The following STK3 variants were observed in gnomAD, a reference collection of about 807,000 sequenced individuals.
STK3 encodes serine/threonine-protein kinase 3.
A neutral mutation model predicts 58.0 loss-of-function variants in STK3; 41 were observed. The ratio of observed to expected loss-of-function variants is 0.71; its 90% CI spans 0.55 to 0.92. The LOEUF (loss-of-function observed/expected upper bound fraction) is 0.92. Among genes scored for constraint, STK3 ranks in the 40% least tolerant of loss-of-function variants. The pLI is 0.00. For synonymous variants in STK3, 170 were observed against 191.0 expected (o/e 0.89, Z 0.91); for missense variants, 479 against 602.7 (o/e 0.79, Z 2.15).
intron 6 of STK3, among the ~76,000 whole-genome samples, chr8:98,637,841 C>A (rs1352536050): frequency 2.6e-5 from 4 of 152,096 alleles, no homozygotes; most frequent in Non-Finnish European, 5.9e-5. Flanking sequence ...TGTTTGTAAT[C>A]TCAAATCAAC....
intron 3 of STK3, among the ~76,000 whole-genome samples, chr8:98,867,608 C>A (rs968651109): frequency 1.3e-5 from 2 of 151,860 alleles, no homozygotes; most frequent in African/African-American, 4.8e-5. Context: ...ACCCACTGCA[C>A]AATTTTGTCA....
chr8:98,388,721 C>A (rs140385218), upstream of STK3, among the ~76,000 whole-genome samples: 2 of 152,296 alleles, frequency 1.3e-5, no homozygotes, highest in African/African-American at 4.8e-5. Flanking sequence ...AATTTGTGAA[C>A]CTTGTTTGGA....
chr8:98,416,362 CTGTT>C (rs1405363063), intron 3 of STK3, among the ~76,000 whole-genome samples: 5 of 87,410 alleles, frequency 5.7e-5, no homozygotes, highest in Admixed American at 1.7e-4. Flanking sequence ...GTGTTTGAAA[CTGTT>C]TTTTTTTTTT....
chr8:98,626,602 C>T (rs1045986101), intron 6 of STK3, among the ~76,000 whole-genome samples: 6 of 152,042 alleles, frequency 3.9e-5, no homozygotes, highest in Admixed American at 3.9e-4. Flanking sequence ...GAGATGAGGC[C>T]ATCGGATTTG....
intron 3 of STK3, among the ~76,000 whole-genome samples, chr8:98,869,989 C>T (rs1238080822): frequency 6.6e-6 from 1 of 152,028 alleles, no homozygotes; most frequent in Non-Finnish European, 1.5e-5. Flanking sequence ...TGCTATCCCT[C>T]CCCTCTCCCC....
chr8:98,617,865 G>A (rs1028624068), intron 6 of STK3, among the ~76,000 whole-genome samples: 2 of 152,134 alleles, frequency 1.3e-5, no homozygotes, highest in Non-Finnish European at 2.9e-5. Context: ...TGGATTCACA[G>A]CCGAATTCTA....
chr8:98,697,184 C>T (rs545724005), intron 6 of STK3, among the ~76,000 whole-genome samples: 62 of 152,278 alleles, frequency 4.1e-4, no homozygotes, highest in African/African-American at 1.5e-3. Context: ...GTTTGTATTT[C>T]TGTGGGATTG....
chr8:98,468,839 G>A (rs751688309), intron 10 of STK3, among the ~76,000 whole-genome samples: 104 of 152,218 alleles, frequency 6.8e-4, no homozygotes, highest in Admixed American at 1.7e-3. Context: ...AGCCGGGCAT[G>A]GTGGCTAACG....
chr8:98,479,810 A>G (rs900879108), intron 10 of STK3, among the ~76,000 whole-genome samples: 2 of 152,214 alleles, frequency 1.3e-5, no homozygotes, highest in Non-Finnish European at 2.9e-5. Flanking sequence ...CAAGACTTTA[A>G]AGCAGCTATA....
At chr8:98,923,952 T>C (rs1839686951) in intron 1 of STK3, among the ~76,000 whole-genome samples, 1 of 151,798 alleles carries the variant, frequency 6.6e-6, no homozygotes, top group African/African-American at 2.4e-5. Flanking sequence ...TTTATTTTTT[T>C]CCCCCTGTGG....
At chr8:98,379,995 G>A (rs950760278) in intron 1 of STK3, among the ~76,000 whole-genome samples, 1 of 152,132 alleles carries the variant, frequency 6.6e-6, no homozygotes, top group Non-Finnish European at 1.5e-5. Flanking sequence ...CACAATATGG[G>A]ACAACATGGA....
chr8:98,779,691 C>T (rs568918946), intron 1 of STK3, among the ~76,000 whole-genome samples: 1 of 152,138 alleles, frequency 6.6e-6, no homozygotes, highest in Non-Finnish European at 1.5e-5. Flanking sequence ...CATTTATGGT[C>T]CCAAGCATCT....
intron 3 of STK3, among the ~76,000 whole-genome samples, chr8:98,849,768 C>T (rs1355891039): frequency 6.6e-6 from 1 of 152,044 alleles, no homozygotes; most frequent in Non-Finnish European, 1.5e-5. Flanking sequence ...AACTGGCCCT[C>T]CTTGGAGGTG....
chr8:98,496,724 A>C (rs1204386107), intron 10 of STK3, among the ~76,000 whole-genome samples: 1 of 152,168 alleles, frequency 6.6e-6, no homozygotes, highest in Non-Finnish European at 1.5e-5. Flanking sequence ...GTCACAAAAG[A>C]TAATACTGTA....
chr8:98,816,786 G>C (rs1045513146), intron 1 of STK3, among the ~76,000 whole-genome samples: 1 of 152,122 alleles, frequency 6.6e-6, no homozygotes, highest in East Asian at 1.9e-4. Context: ...TACCCACCTC[G>C]GCCTCCCACA....
At chr8:98,883,443 C>G (rs1837870827), downstream of STK3, 2 of 521,862 alleles carry the variant, frequency 3.8e-6, no homozygotes, top group South Asian at 2.5e-5. Context: ...TCGAAACTAT[C>G]TAAATCACTC....
At chr8:98,380,252 T>A (rs1281712713) in intron 1 of STK3, among the ~76,000 whole-genome samples, 1 of 152,212 alleles carries the variant, frequency 6.6e-6, no homozygotes, top group Non-Finnish European at 1.5e-5. Context: ...CAATAATGTA[T>A]TGTACACTTA....
intron 3 of STK3, among the ~76,000 whole-genome samples, chr8:98,425,241 G>A (rs1818217404): frequency 1.3e-5 from 2 of 152,156 alleles, no homozygotes; most frequent in Non-Finnish European, 1.5e-5. Flanking sequence ...CCTAGATAGA[G>A]GCTGCTGTCC....
intron 3 of STK3, among the ~76,000 whole-genome samples, chr8:98,755,248 C>T (rs911268533): frequency 2.6e-5 from 4 of 152,196 alleles, no homozygotes; most frequent in African/African-American, 9.7e-5. Context: ...GGCATTTCAC[C>T]AGATGTTCAG....
Sources: gnomAD v4.1 joint callset for allele counts (sites outside exome capture counted in the v4.1 genomes callset) on GRCh38, gnomAD v4.1.1 for gene constraint, MANE v1.5 for transcripts, NCBI Gene and HGNC (gene_info 2026-07-23, HGNC 2026-07-21) for gene names.